VPS41: variants seen among roughly 807,000 people sequenced by gnomAD.
VPS41 encodes the protein vacuolar protein sorting-associated protein 41 homolog.
A neutral mutation model predicts 130.9 loss-of-function variants in VPS41; 85 were observed. That is an observed-to-expected ratio of 0.65 (90% CI 0.55 to 0.78). VPS41 has a LOEUF of 0.78. Ranked by LOEUF, VPS41 falls within the 30% of genes least tolerant of loss-of-function variation. VPS41 has a pLI of 0.00. For missense variants in VPS41, 874 were observed against 1,018.7 expected (o/e 0.86, Z 1.93); for synonymous variants, 335 against 332.9 (o/e 1.01, Z -0.07).
intron 2 of VPS41, among the ~76,000 whole-genome samples, chr7:38,896,925 G>A (rs1787010054): frequency 6.6e-6 from 1 of 152,214 alleles, no homozygotes; most frequent in African/African-American, 2.4e-5. Context: ...CAGGTGCAGT[G>A]ACTCATGCCT....
intron 2 of VPS41, among the ~76,000 whole-genome samples, chr7:38,890,265 C>CA (rs552643351): frequency 9.3e-4 from 141 of 151,812 alleles, no homozygotes; most frequent in Non-Finnish European, 1.8e-3. Context: ...GGCAGAGCAC[C>CA]AAAAAAAGCC....
chr7:38,853,418 C>CAAAAAAA (rs57368681), intron 4 of VPS41, among the ~76,000 whole-genome samples: 1 of 78,924 alleles, frequency 1.3e-5, no homozygotes, highest in Non-Finnish European at 2.2e-5. Flanking sequence ...GACTCCTTCT[C>CAAAAAAA]AAAAAAAAAA....
At chr7:38,810,372 A>G (rs1446038053) in intron 7 of VPS41, among the ~76,000 whole-genome samples, 1 of 150,792 alleles carries the variant, frequency 6.6e-6, no homozygotes, top group African/African-American at 2.4e-5. Flanking sequence ...CTTCTGTTAC[A>G]TTGCTATGTT....
At chr7:38,878,311 C>G (rs1205920908) in intron 2 of VPS41, among the ~76,000 whole-genome samples, 1 of 152,118 alleles carries the variant, frequency 6.6e-6, no homozygotes, top group East Asian at 1.9e-4. Flanking sequence ...CATTAAAGTA[C>G]TATCTATCTC....
chr7:38,784,499 G>T (rs945623855), intron 10 of VPS41, among the ~76,000 whole-genome samples: 1 of 152,170 alleles, frequency 6.6e-6, no homozygotes, highest in African/African-American at 2.4e-5. Flanking sequence ...GCCAGGCATG[G>T]TGGTGCACGC....
At chr7:38,797,099 A>G (rs1784636416) in intron 7 of VPS41, 1 of 395,004 alleles carries the variant, frequency 2.5e-6, no homozygotes. Context: ...TACAAGGCCA[A>G]GCCACAAGGT....
In VPS41 at chr7:38,803,216, G is replaced by A. The variant is rs570307660; in HGVS notation, c.451-6352C>T. On this transcript the variant is annotated intron_variant, in intron 7 of 28. Coordinates refer to ENST00000310301, the MANE Select transcript of VPS41 (RefSeq NM_014396.4). ...CTTATCAGGCTGTAATGAAGTCCCC[G>A]ATTCTGGTCACCTAACGCCCATCAT... Among the ~76,000 whole-genome samples the A allele has an allele frequency of 2.0e-5, 3 of 152,292 alleles. No homozygotes were observed. The East Asian group carries it at 5.8e-4, about 29-fold the overall frequency.
chr7:38,890,061 A>C (rs1786828266), intron 2 of VPS41, among the ~76,000 whole-genome samples: 2 of 152,236 alleles, frequency 1.3e-5, no homozygotes, highest in African/African-American at 4.8e-5. Context: ...AATTATACAA[A>C]GGAACTAAAA....
In VPS41 at chr7:38,863,246, T is replaced by C. The variant is rs145226343; in HGVS notation, c.169-624A>G. Among the ~76,000 whole-genome samples the C allele has an allele frequency of 4.7e-3, 709 of 152,310 alleles. 7 individuals are homozygous for C. Among genetic ancestry groups the C allele is most frequent in the African/African-American group, 0.017 (688 of 41,570 alleles). On this transcript the variant is annotated intron_variant, in intron 3 of 28. Coordinates refer to ENST00000310301, the MANE Select transcript of VPS41 (RefSeq NM_014396.4). The stretch of plus-strand genomic sequence containing the variant: ...AAAATAACTGTCAAAAAATACTCAT[T>C]TTATGTCGTAAGTCCTACTGTTTCT...
intron 10 of VPS41, among the ~76,000 whole-genome samples, chr7:38,784,614 A>T (rs769327463): frequency 2.0e-5 from 3 of 147,758 alleles, no homozygotes; most frequent in Non-Finnish European, 4.5e-5. Context: ...AAGCCTGGGC[A>T]AAGAGCAAGA....
intron 7 of VPS41, among the ~76,000 whole-genome samples, chr7:38,815,407 G>T (rs1785026074): frequency 6.6e-6 from 1 of 152,146 alleles, no homozygotes; most frequent in South Asian, 2.1e-4. Flanking sequence ...TTGGGCAACA[G>T]AGCAAGACTC....
chr7:38,735,278 G>A (rs1043641450), intron 25 of VPS41, among the ~76,000 whole-genome samples: 1 of 152,092 alleles, frequency 6.6e-6, no homozygotes. Flanking sequence ...TATATACTGA[G>A]AGTCAAAAAG....
At chr7:38,851,305 A>G (rs1176492399) in intron 4 of VPS41, among the ~76,000 whole-genome samples, 2 of 152,222 alleles carry the variant, frequency 1.3e-5, no homozygotes, top group African/African-American at 4.8e-5. Flanking sequence ...ATTACCCCAT[A>G]GGGCATTTAA....
intron 11 of VPS41, chr7:38,775,260 C>T (rs1784236050): frequency 6.6e-6 from 1 of 152,092 alleles, no homozygotes; most frequent in African/African-American, 2.4e-5. Flanking sequence ...CTTTAATGTT[C>T]TATAAAATGA....
intron 4 of VPS41, among the ~76,000 whole-genome samples, chr7:38,841,616 T>C (rs569336022): frequency 1.3e-5 from 2 of 152,216 alleles, no homozygotes; most frequent in Non-Finnish European, 2.9e-5. Flanking sequence ...CAACTTTTGT[T>C]GTTGTTGTTG....
At chr7:38,728,888 T>C in intron 25 of VPS41, 97 bp from the exon 26 acceptor site, 1 of 1,073,672 alleles carries the variant, frequency 9.3e-7, no homozygotes, top group East Asian at 2.5e-5. Flanking sequence ...CTGGCATGCT[T>C]GAAATACTCA....
chr7:38,861,404 T>C lies in VPS41; in HGVS notation c.246+1141A>G, dbSNP rs1786108980. Among the ~76,000 whole-genome samples, 6 of 152,168 alleles carry C rather than the reference T, an allele frequency of 3.9e-5. No homozygotes were observed. The South Asian group carries it at 1.2e-3, about 32-fold the overall frequency. On this transcript the variant is annotated intron_variant, in intron 4 of 28. Transcript: ENST00000310301. ...AATGGATGGCAACTGAAATACCAAA[T>C]GTTTTGGTCATCAAGATGCATGTCC...
chr7:38,773,654 A>G (rs766278755), intron 12 of VPS41, among the ~76,000 whole-genome samples: 1 of 152,180 alleles, frequency 6.6e-6, no homozygotes, highest in Non-Finnish European at 1.5e-5. Flanking sequence ...CGTCCACTCA[A>G]CAAATATTCA....
At chr7:38,801,847 C>T (rs6415270) in intron 7 of VPS41, among the ~76,000 whole-genome samples, 90,419 of 152,056 alleles carry the variant, frequency 0.59, 27,593 homozygotes, top group East Asian at 0.89. Context: ...ACACACAATG[C>T]GTTTGCTACA....
Sources: gnomAD v4.1 joint callset for allele counts (sites outside exome capture counted in the v4.1 genomes callset) on GRCh38, gnomAD v4.1.1 for gene constraint, MANE v1.5 for transcripts, NCBI Gene and HGNC (gene_info 2026-07-23, HGNC 2026-07-21) for gene names.